The following GLIS3 variants were observed in gnomAD, a reference collection of about 807,000 sequenced individuals.
The protein encoded by GLIS3 is zinc finger protein GLIS3.
GLIS3 carries 53 observed loss-of-function variants against 78.6 expected under a neutral mutation model. That is an observed-to-expected ratio of 0.67 (90% CI 0.54 to 0.85). The LOEUF is 0.85. GLIS3 is among the 40% of genes least tolerant of loss of function. The probability of loss-of-function intolerance (pLI) is 0.00; values close to 1 mark genes in which losing one functional copy is unlikely to be tolerated. For synonymous variants in GLIS3, 684 were observed against 509.9 expected, an observed-to-expected ratio of 1.34 and a Z score of -4.60; for missense variants, 1,703 against 1,231.1, an observed-to-expected ratio of 1.38 and a Z score of -5.74.
intron 4 of GLIS3, chr9:4,081,500 C>G (rs1828550162): frequency 6.6e-6 from 1 of 152,194 alleles, no homozygotes; most frequent in South Asian, 2.1e-4. Context: ...TGCTCTTTAT[C>G]TGGCTAAATG....
chr9:4,253,042 T>G (rs184874341), intron 2 of GLIS3, among the ~76,000 whole-genome samples: 1 of 152,206 alleles, frequency 6.6e-6, no homozygotes, highest in African/African-American at 2.4e-5. Context: ...GTATGAAGTC[T>G]CTGTCAACCC....
chr9:4,165,782 G>A (rs905765030), intron 2 of GLIS3, among the ~76,000 whole-genome samples: 4 of 152,224 alleles, frequency 2.6e-5, no homozygotes, highest in Non-Finnish European at 5.9e-5. Context: ...ACAAGTTTCT[G>A]GGGATAACAA....
At chr9:3,878,701 G>A in intron 8 of GLIS3, 1 of 152,638 alleles carries the variant, frequency 6.6e-6, no homozygotes, top group South Asian at 2.1e-4. Context: ...GGACAGCTCG[G>A]AGAGGACTGA....
At chr9:4,250,203 C>T (rs1292080029) in intron 2 of GLIS3, among the ~76,000 whole-genome samples, 2 of 152,200 alleles carry the variant, frequency 1.3e-5, no homozygotes, top group Non-Finnish European at 2.9e-5. Flanking sequence ...GGTACCAGCA[C>T]TTCTTTGTAC....
At chr9:4,154,914 T>C in intron 2 of GLIS3, among the ~76,000 whole-genome samples, 1 of 152,202 alleles carries the variant, frequency 6.6e-6, no homozygotes, top group Non-Finnish European at 1.5e-5. Context: ...ATAGTACACT[T>C]TCCGTATACA....
At position 4,057,132 on chromosome 9, in the gene GLIS3, A is replaced by G. The variant is rs113780597; in HGVS notation, c.1710+60636T>C. Among the ~76,000 whole-genome samples, 791 of 152,236 alleles carry G rather than the reference A, an allele frequency of 5.2e-3. 6 individuals are homozygous for G. The highest frequency in any genetic ancestry group is 0.018 in the African/African-American group (739 of 41,542). ...TGTGCAGCTTCATGAAGCGTCAACA[A>G]TGCCCTAAGGAACCAGAAGTAGAGA... On this transcript the variant is annotated intron_variant, in intron 4 of 10. Transcript: ENST00000381971.
intron 2 of GLIS3, among the ~76,000 whole-genome samples, chr9:4,241,203 G>A (rs1052547330): frequency 9.2e-5 from 14 of 152,130 alleles, no homozygotes; most frequent in Non-Finnish European, 1.9e-4. Context: ...TGGAGTAGAC[G>A]TGAAAGGAAA....
intron 2 of GLIS3, among the ~76,000 whole-genome samples, chr9:4,168,720 A>G (rs1816103420): frequency 6.6e-6 from 1 of 152,202 alleles, no homozygotes; most frequent in African/African-American, 2.4e-5. Flanking sequence ...CCTTTCAACA[A>G]TGCCAAATAC....
At chr9:3,967,967 T>TA (rs1473044119) in intron 4 of GLIS3, among the ~76,000 whole-genome samples, 2 of 152,198 alleles carry the variant, frequency 1.3e-5, no homozygotes, top group African/African-American at 2.4e-5. Flanking sequence ...TAAGACCCCA[T>TA]AAATCATATC....
At chr9:4,178,338 G>C (rs1425523725) in intron 2 of GLIS3, among the ~76,000 whole-genome samples, 1 of 152,132 alleles carries the variant, frequency 6.6e-6, no homozygotes, top group African/African-American at 2.4e-5. Context: ...CTGCAAAGGA[G>C]GGTGGAAGAG....
At chr9:4,480,804 T>C in the GLIS3 span, among the ~76,000 whole-genome samples, 1 of 150,340 alleles carries the variant, frequency 6.7e-6, no homozygotes, top group Admixed American at 6.6e-5. Context: ...TATTTTCAAG[T>C]ATACAAGTAA....
At chr9:4,403,633 C>T in the GLIS3 span, among the ~76,000 whole-genome samples, 1 of 152,080 alleles carries the variant, frequency 6.6e-6, no homozygotes, top group Non-Finnish European at 1.5e-5. Flanking sequence ...TTTGGATATA[C>T]AGTGTTAAGT....
At chr9:4,101,403 A>AT (rs1405896891) in intron 4 of GLIS3, among the ~76,000 whole-genome samples, 1 of 152,096 alleles carries the variant, frequency 6.6e-6, no homozygotes, top group African/African-American at 2.4e-5. Context: ...TTCTTACTTA[A>AT]TTTTGTTCTT....
chr9:3,867,750 T>A (rs1002246587), intron 8 of GLIS3, among the ~76,000 whole-genome samples: 5 of 150,432 alleles, frequency 3.3e-5, no homozygotes, highest in African/African-American at 9.9e-5. Flanking sequence ...TGTGTGTGTG[T>A]GTGTGAGTGC....
chr9:3,828,095 T>G lies in GLIS3; in HGVS notation c.*177A>C. On this transcript the variant is annotated 3_prime_UTR_variant, in exon 11 of 11. Transcript: ENST00000381971. ...CAGAGAGAAAAAGGAGCAACTGTAA[T>G]GATTCCTGCAAAGCTAGCTCTGCCA... is the stretch of plus-strand genomic sequence containing the variant. 1 of 689,256 alleles carries G rather than the reference T, an allele frequency of 1.5e-6. No homozygotes were observed. Among genetic ancestry groups the G allele is most frequent in the Non-Finnish European group, 2.5e-6 (1 of 399,070 alleles). 42.7% of individuals were successfully genotyped at this position (689,256 alleles called of 1,614,324 possible).
chr9:4,322,619 G>A (rs942510592), intron 2 of GLIS3, among the ~76,000 whole-genome samples: 4 of 152,104 alleles, frequency 2.6e-5, no homozygotes, highest in African/African-American at 7.2e-5. Context: ...GGTGTGAGAT[G>A]GTGTCTCACT....
At chr9:3,845,685 A>G (rs1818987189) in intron 9 of GLIS3, among the ~76,000 whole-genome samples, 1 of 152,180 alleles carries the variant, frequency 6.6e-6, no homozygotes, top group Non-Finnish European at 1.5e-5. Context: ...CCCGTACTTG[A>G]GCAAGCACAG....
At chr9:4,213,405 C>T (rs1309875043) in intron 2 of GLIS3, among the ~76,000 whole-genome samples, 2 of 152,104 alleles carry the variant, frequency 1.3e-5, no homozygotes, top group African/African-American at 2.4e-5. Flanking sequence ...GGAAGTATCC[C>T]CATGTTGATT....
At chr9:4,447,435 C>A in the GLIS3 span, among the ~76,000 whole-genome samples, 1 of 152,146 alleles carries the variant, frequency 6.6e-6, no homozygotes, top group Admixed American at 6.6e-5. Context: ...CCTGAACAAT[C>A]TCCCAACCAC....
Sources: gnomAD v4.1 joint callset for allele counts (sites outside exome capture counted in the v4.1 genomes callset) on GRCh38, gnomAD v4.1.1 for gene constraint, MANE v1.5 for transcripts, NCBI Gene and HGNC (gene_info 2026-07-23, HGNC 2026-07-21) for gene names.